OPRM1: variants seen among roughly 807,000 people sequenced by gnomAD.
The protein encoded by OPRM1 is mu-type opioid receptor.
Under a neutral mutation model 31.8 loss-of-function variants are expected in OPRM1, and 27 were observed. That is an observed-to-expected ratio of 0.85 (90% CI 0.63 to 1.17). The LOEUF (loss-of-function observed/expected upper bound fraction) is 1.17, where lower values mean the gene tolerates loss of function less well. Among genes scored for constraint, OPRM1 ranks in the 50% most tolerant of loss-of-function variants. The pLI, the probability that OPRM1 is intolerant of heterozygous loss-of-function variation, is 0.00. For missense variants in OPRM1, 536 were observed against 511.1 expected, an observed-to-expected ratio of 1.05 and a Z score of -0.47; for synonymous variants, 196 against 189.9, an observed-to-expected ratio of 1.03 and a Z score of -0.26.
At chr6:154,152,666 C>A (rs1308461416) in intron 3 of OPRM1, among the ~76,000 whole-genome samples, 2 of 150,672 alleles carry the variant, frequency 1.3e-5, no homozygotes, top group African/African-American at 4.8e-5. Flanking sequence ...ATTGTGAATA[C>A]CTGATCTGAT....
chr6:154,152,376 GAAAGAAAGAA>G (rs1798556666), intron 3 of OPRM1, among the ~76,000 whole-genome samples: 1 of 149,858 alleles, frequency 6.7e-6, no homozygotes, highest in African/African-American at 2.5e-5. Context: ...AAGAAAGAAA[GAAAGAAAGAA>G]AGAAAGAGAA....
chr6:154,093,916 A>G (rs1398281344), intron 3 of OPRM1, among the ~76,000 whole-genome samples: 2 of 152,254 alleles, frequency 1.3e-5, no homozygotes, highest in East Asian at 1.9e-4. Flanking sequence ...ACATAATAAA[A>G]TGACTTGAAG....
chr6:154,087,115 TC>T (rs1790771056), intron 1 of OPRM1: 3 of 985,328 alleles, frequency 3.0e-6, no homozygotes, highest in Middle Eastern at 5.2e-4. Flanking sequence ...AAAGTGAAAC[TC>T]CCAAAGTAAG....
chr6:154,076,077 T>C (rs1321957228), intron 1 of OPRM1, among the ~76,000 whole-genome samples: 1 of 152,258 alleles, frequency 6.6e-6, no homozygotes, highest in Non-Finnish European at 1.5e-5. Flanking sequence ...TATGTTATTC[T>C]TTGTATTTTC....
At chr6:154,142,750 C>T (rs770474629) in intron 3 of OPRM1, among the ~76,000 whole-genome samples, 5 of 152,208 alleles carry the variant, frequency 3.3e-5, no homozygotes, top group Non-Finnish European at 7.3e-5. Flanking sequence ...TTATGCCCCT[C>T]AGTCGAATTC....
intron 1 of OPRM1, among the ~76,000 whole-genome samples, chr6:154,023,266 C>T (rs867737696): frequency 1.3e-5 from 2 of 151,990 alleles, no homozygotes; most frequent in African/African-American, 2.4e-5. Context: ...ACATCTGTCA[C>T]TTCTTTGGTT....
intron 3 of OPRM1, among the ~76,000 whole-genome samples, chr6:154,169,094 C>T (rs1228474892): frequency 6.6e-6 from 1 of 151,500 alleles, no homozygotes; most frequent in African/African-American, 2.4e-5. Context: ...GGTGTGGTGG[C>T]TCACGCCTGT....
At chr6:154,111,187 G>T (rs1049635065) in intron 3 of OPRM1, among the ~76,000 whole-genome samples, 6 of 152,126 alleles carry the variant, frequency 3.9e-5, no homozygotes, top group African/African-American at 9.7e-5. Flanking sequence ...TCTGATTCAG[G>T]CAATGGAGCT....
intron 3 of OPRM1, among the ~76,000 whole-genome samples, chr6:154,184,247 A>G (rs1801144140): frequency 6.6e-6 from 1 of 152,146 alleles, no homozygotes; most frequent in African/African-American, 2.4e-5. Flanking sequence ...GCACTGGCAT[A>G]TAAAGTGATA....
rs1583640164 is a variant in OPRM1, at chr6:154,131,424, C to T, written c.*12703C>T. On this transcript the variant is annotated 3_prime_UTR_variant, in exon 4 of 4. Transcript: ENST00000330432. The stretch of plus-strand genomic sequence containing the variant: ...ACCTAACATAAGCAATCAACCCTTC[C>T]ACCCATTGTCCTCTTTCTAGCTGCT... 3.9e-5 allele frequency among the ~76,000 whole-genome samples: 6 copies of T among 152,274 alleles called. No individual in the cohort carries two copies. The South Asian group carries it at 6.2e-4, about 16-fold the overall frequency.
intron 1 of OPRM1, chr6:154,086,983 C>T (rs1366368219): frequency 1.0e-6 from 1 of 983,672 alleles, no homozygotes; most frequent in African/African-American, 1.7e-5. Context: ...GGTTTTTGTA[C>T]TTTGGAGTAT....
intron 3 of OPRM1, among the ~76,000 whole-genome samples, chr6:154,143,080 A>AAG (rs1554283899): frequency 1.3e-5 from 2 of 152,172 alleles, no homozygotes; most frequent in African/African-American, 2.4e-5. Context: ...TCTCATTTCT[A>AAG]ATATATATAT....
chr6:154,065,653 T>G (rs551372548), intron 1 of OPRM1, among the ~76,000 whole-genome samples: 5 of 151,970 alleles, frequency 3.3e-5, no homozygotes, highest in East Asian at 3.9e-4. Flanking sequence ...GTTCTAACAG[T>G]TTTTTTTGTG....
chr6:154,220,704 G>C (rs1433216901), intron 3 of OPRM1, among the ~76,000 whole-genome samples: 1 of 152,150 alleles, frequency 6.6e-6, no homozygotes, highest in Non-Finnish European at 1.5e-5. Flanking sequence ...CATTAGGAAT[G>C]GTGTAGGGCA....
At chr6:154,133,317 T>C (rs142869681), downstream of OPRM1, among the ~76,000 whole-genome samples, 37 of 152,304 alleles carry the variant, frequency 2.4e-4, no homozygotes, top group South Asian at 5.4e-3. Context: ...CTTCTTCTGC[T>C]CAAAAGCTTT....
intron 1 of OPRM1, among the ~76,000 whole-genome samples, chr6:154,028,381 T>A (rs1393116236): frequency 6.6e-6 from 1 of 152,076 alleles, no homozygotes; most frequent in Non-Finnish European, 1.5e-5. Context: ...CTCTTCCTTC[T>A]CCTCTCGTAG....
At chr6:154,241,229 C>A in intron 3 of OPRM1, among the ~76,000 whole-genome samples, 2 of 110,474 alleles carry the variant, frequency 1.8e-5, no homozygotes, top group Admixed American at 9.8e-5. Flanking sequence ...AGTGAGACTC[C>A]ATCTCAAAAA....
chr6:154,231,176 A>T (rs909797591), intron 3 of OPRM1, among the ~76,000 whole-genome samples: 1 of 152,226 alleles, frequency 6.6e-6, no homozygotes, highest in African/African-American at 2.4e-5. Flanking sequence ...ACTCATGACC[A>T]CTAGAGAAAT....
At chr6:154,144,395 GAAGTTA>G (rs1798305573) in intron 3 of OPRM1, among the ~76,000 whole-genome samples, 1 of 152,236 alleles carries the variant, frequency 6.6e-6, no homozygotes, top group African/African-American at 2.4e-5. Context: ...CCTGAATAAA[GAAGTTA>G]AACTTTTTAA....
Sources: allele counts gnomAD v4.1 joint callset (sites outside exome capture counted in the v4.1 genomes callset), GRCh38; gene constraint gnomAD v4.1.1; transcripts MANE v1.5; gene names NCBI Gene and HGNC (gene_info 2026-07-23, HGNC 2026-07-21).